Variants in NEB observed in about 807,000 individuals in gnomAD.
NEB encodes the protein nebulin, also known as nemaline myopathy type 2.
NEB carries 512 observed loss-of-function variants against 952.2 expected under a neutral mutation model. The ratio of observed to expected loss-of-function variants is 0.54; its 90% CI spans 0.50 to 0.58. NEB has a LOEUF of 0.58. Ranked by LOEUF, NEB falls within the 20% of genes least tolerant of loss-of-function variation. NEB has a pLI of 0.00. For missense variants in NEB, 8,428 were observed against 9,231.1 expected, an observed-to-expected ratio of 0.91 and a Z score of 3.56; for synonymous variants, 2,900 against 3,149.8, an observed-to-expected ratio of 0.92 and a Z score of 2.66.
chr2:151,724,751 T>C lies in NEB; in HGVS notation c.507+106A>G, dbSNP rs2099785323. ...ACAGGTATTGAACTCACACTGCCCA[T>C]GAGGCTGGTGGGCAGGATCAGGCCT... On this transcript the variant is annotated intron_variant, in intron 7 of 181. Coordinates refer to ENST00000397345, the MANE Select transcript of NEB (RefSeq NM_001164508.2). 3 of 838,436 alleles carry C rather than the reference T, an allele frequency of 3.6e-6. No individual in the cohort carries two copies. In the East Asian group the frequency reaches 7.7e-5, roughly 21 times the overall value. 51.9% of individuals were successfully genotyped at this position (838,436 alleles called of 1,614,324 possible). A position where few individuals can be genotyped will look rare whatever the true frequency, so the allele number is the denominator to read the frequency against.
chr2:151,711,313 G>C (rs2099744567), intron 10 of NEB, among the ~76,000 whole-genome samples: 1 of 152,190 alleles, frequency 6.6e-6, no homozygotes, highest in Non-Finnish European at 1.5e-5. Flanking sequence ...CCATGAGCTA[G>C]AGCCCAAGCT....
At position 151,501,464 on chromosome 2, in the gene NEB, A is replaced by C. The variant is rs2064479803; in HGVS notation, c.23948T>G (p.Leu7983Trp). The C allele has an allele frequency of 4.6e-6, 7 of 1,527,570 alleles. No individual in the cohort carries two copies. The highest frequency in any genetic ancestry group is 6.2e-6 in the Non-Finnish European group (7 of 1,134,290). 94.6% of individuals were successfully genotyped at this position (1,527,570 alleles called of 1,614,324 possible). ...GACAGGTAGGGGAGTCCCCTTGCTC[A>C]AGTTCTCTTTGTACAATATCTGTGT... The part of the protein sequence containing the change: ...NFSSILYKEN[L>W]SKGTPLPVTP... Residue 7983 changes from leucine to tryptophan, a missense_variant, in exon 168 of 182, where the codon TTG becomes TGG. Physicochemically the swap from Leu to Trp is moderately conservative, Grantham distance 61. Coordinates refer to ENST00000397345, the MANE Select transcript of NEB (RefSeq NM_001164508.2).
Position 151,596,121 on chromosome 2 carries a change from T to C in NEB, c.14144A>G (p.Asp4715Gly), listed in dbSNP as rs1553861549. Residue 4715 changes from aspartate (D) to glycine (G), a missense_variant, in exon 92 of 182, where the codon GAC becomes GGC. Coordinates refer to ENST00000397345, the MANE Select transcript of NEB (RefSeq NM_001164508.2). ...DWNDTKQKGY[D>G]IRADAIEIKH... ...GATTTCAATGGCATCTGCCCTTATG[T>C]CATAGCCTTTCTGCTTGGTGTCATT... The C allele has an allele frequency of 1.0e-3, 2 of 1,942 alleles. No homozygotes were observed. Among genetic ancestry groups the C allele is most frequent in the Non-Finnish European group, 1.6e-3 (2 of 1,234 alleles). The allele number at this position is 1,942 out of a possible 1,614,324, so 0.1% of individuals were successfully genotyped here. A position where few individuals can be genotyped will look rare whatever the true frequency, so the allele number is the denominator to read the frequency against.
In NEB at chr2:151,710,473, T is replaced by G; in HGVS notation, c.888A>C (p.Glu296Asp). Reference sequence around the variant, plus strand: ...CAGCATTCATTCTGGCATTTGCAACTTCAAAGCAAGGTGTCTCACTCCATT... The same window carrying G: ...CAGCATTCATTCTGGCATTTGCAACGTCAAAGCAAGGTGTCTCACTCCATT... ...KGKWSETPCFEVANARMNADN... is the reference protein window; with the variant it reads ...KGKWSETPCFDVANARMNADN... Residue 296 changes from glutamate (E) to aspartate (D), a missense_variant, in exon 11 of 182, where the codon GAA becomes GAC. Coordinates refer to ENST00000397345, the MANE Select transcript of NEB (RefSeq NM_001164508.2). The G allele has an allele frequency of 1.2e-6, 2 of 1,612,852 alleles. No homozygotes were observed. The highest frequency in any genetic ancestry group is 1.7e-6 in the Non-Finnish European group (2 of 1,179,102).
At chr2:151,490,783 C>T (rs2055852630) in intron 179 of NEB, among the ~76,000 whole-genome samples, 1 of 152,148 alleles carries the variant, frequency 6.6e-6, no homozygotes, top group African/African-American at 2.4e-5. Context: ...TGTAACATCT[C>T]CCCTCCACCC....
intron 170 of NEB, 146 bp downstream of exon 170, chr2:151,498,114 T>C (rs1304020665): frequency 4.6e-6 from 7 of 1,507,088 alleles, no homozygotes; most frequent in Non-Finnish European, 6.2e-6. Context: ...AACTGTATTA[T>C]AGAAATGGGA....
At chr2:151,681,909 A>G (rs992071859) in intron 29 of NEB, among the ~76,000 whole-genome samples, 5 of 152,232 alleles carry the variant, frequency 3.3e-5, no homozygotes, top group Non-Finnish European at 5.9e-5. Context: ...AATCACAAAA[A>G]AATAGAAACC....
rs756491764 is a variant in NEB at position 151,555,047 on chromosome 2, A to T, written c.19315-3T>A. ...TCATATTCTTCCCGATATTTGATCT[A>T]TAGAGAATAAGTAGAAAGGAAGAAA... On this transcript the variant is annotated splice_region_variant and splice_polypyrimidine_tract_variant and intron_variant, in intron 124 of 181. Transcript: ENST00000397345. 1.3e-6 allele frequency: 2 copies of T among 1,551,830 alleles called. No individual in the cohort carries two copies. Among genetic ancestry groups the T allele is most frequent in the African/African-American group, 2.7e-5 (2 of 73,578 alleles).
Position 151,643,129 on chromosome 2 carries a change from TCAAA to T in NEB, c.8160+17_8160+20del. ...TAAACAAAAAAAATTAATAACCTCC[TCAAA>T]CAAACATAGGACTTACATGATTCAT... is the stretch of plus-strand genomic sequence containing the variant. On this transcript the variant is annotated intron_variant, in intron 58 of 181. Coordinates refer to ENST00000397345, the MANE Select transcript of NEB (RefSeq NM_001164508.2). The T allele has an allele frequency of 6.3e-7, 1 of 1,593,936 alleles. No individual in the cohort carries two copies. Among genetic ancestry groups the T allele is most frequent in the Admixed American group, 1.7e-5 (1 of 59,146 alleles).
intron 73 of NEB, 144 bp from the exon 74 acceptor site, chr2:151,618,622 T>C (rs1176458848): frequency 1.7e-5 from 14 of 844,996 alleles, no homozygotes; most frequent in African/African-American, 5.2e-5. Flanking sequence ...ACGCACATTA[T>C]TGAATCCTAA....
At chr2:151,685,585 G>A (rs1374713184) in intron 27 of NEB, among the ~76,000 whole-genome samples, 3 of 152,162 alleles carry the variant, frequency 2.0e-5, no homozygotes, top group African/African-American at 4.8e-5. Flanking sequence ...AGACTTCACA[G>A]GAGAAAAGTT....
At chr2:151,496,860 T>TA (rs1327834472) in intron 172 of NEB, 81 bp downstream of exon 172, 2 of 1,393,856 alleles carry the variant, frequency 1.4e-6, no homozygotes, top group African/African-American at 2.9e-5. Flanking sequence ...CTTTAGAAAA[T>TA]AGGATTAATA....
chr2:151,538,215 G>A lies in NEB; in HGVS notation c.20922C>T (p.Thr6974=), dbSNP rs1383508636. The change falls in exon 139 of 182, where the codon ACC becomes ACT. Residue 6974 remains threonine (T), a synonymous_variant. Transcript: ENST00000397345. ...CTTTCACCGTGTGGTATTTCCCTTT[G>A]GTCTTTTGAAATGTTTCTTTGTAGC... is the stretch of plus-strand genomic sequence containing the variant. ...DLRYKETFQK[T]KGKYHTVKDA... 1 of 1,612,846 alleles carries A rather than the reference G, an allele frequency of 6.2e-7. No individual in the cohort carries two copies. Among genetic ancestry groups the A allele is most frequent in the Non-Finnish European group, 8.5e-7 (1 of 1,179,094 alleles).
chr2:151,660,000 C>T (rs1189067763), intron 46 of NEB, among the ~76,000 whole-genome samples: 6 of 152,110 alleles, frequency 3.9e-5, no homozygotes, highest in Non-Finnish European at 8.8e-5. Context: ...TGGAGATGTG[C>T]CACCAATATA....
At chr2:151,722,820 A>G (rs2099778604) in intron 9 of NEB, among the ~76,000 whole-genome samples, 1 of 152,146 alleles carries the variant, frequency 6.6e-6, no homozygotes, top group African/African-American at 2.4e-5. Context: ...AACTGCTGGG[A>G]TTACAGGGGT....
rs1553715636 is a variant in NEB, at chr2:151,547,744, T to C, written c.20158-6A>G. ...TACAATTCCCGATACAGTCTCTACG[T>C]TGGAGGAAATATCATTACAGGCATT... is the stretch of plus-strand genomic sequence containing the variant. On this transcript the variant is annotated splice_region_variant and splice_polypyrimidine_tract_variant and intron_variant, in intron 131 of 181. Coordinates refer to ENST00000397345, the MANE Select transcript of NEB (RefSeq NM_001164508.2). 1.9e-6 allele frequency: 3 copies of C among 1,605,010 alleles called. No individual in the cohort carries two copies. The East Asian group carries it at 6.7e-5, about 36-fold the overall frequency.
chr2:151,627,476 A>G (rs749269694), intron 69 of NEB, 47 bp downstream of exon 69: 4 of 1,590,522 alleles, frequency 2.5e-6, no homozygotes, highest in Non-Finnish European at 2.6e-6. Context: ...CAGTATTTCT[A>G]TGAATTACTA....
chr2:151,690,552 T>A (rs2099540454), intron 24 of NEB, 175 bp downstream of exon 24: 1 of 588,522 alleles, frequency 1.7e-6, no homozygotes, highest in East Asian at 3.1e-5. Flanking sequence ...AACACAACTT[T>A]CCTCAGGCTG....
intron 128 of NEB, among the ~76,000 whole-genome samples, chr2:151,552,216 C>T (rs1354215463): frequency 6.6e-6 from 1 of 152,104 alleles, no homozygotes; most frequent in African/African-American, 2.4e-5. Flanking sequence ...TCCTTACGTC[C>T]CCATTTTATG....
Sources: allele counts gnomAD v4.1 joint callset (sites outside exome capture counted in the v4.1 genomes callset), GRCh38; gene constraint gnomAD v4.1.1; transcripts MANE v1.5; gene names NCBI Gene and HGNC (gene_info 2026-07-23, HGNC 2026-07-21).